The following GPC5 variants were observed in gnomAD, a reference collection of about 807,000 sequenced individuals.
GPC5 encodes the protein glypican-5.
In GPC5, 47 loss-of-function variants were observed where a neutral mutation model predicts 53.9. The observed-to-expected ratio is 0.87, with a 90% CI of 0.69 to 1.11. The LOEUF is 1.11. GPC5 is among the 50% of genes most tolerant of loss of function. The pLI is 0.00. For synonymous variants in GPC5, 286 were observed against 263.3 expected (o/e 1.09, Z -0.84); for missense variants, 748 against 713.1 (o/e 1.05, Z -0.56).
At chr13:92,440,140 G>A (rs180888671) in intron 7 of GPC5, among the ~76,000 whole-genome samples, 1 of 152,170 alleles carries the variant, frequency 6.6e-6, no homozygotes, top group East Asian at 1.9e-4. Context: ...TTCATATGCA[G>A]GTGCATTACA....
intron 7 of GPC5, among the ~76,000 whole-genome samples, chr13:92,852,545 C>T (rs925891112): frequency 1.3e-5 from 2 of 152,158 alleles, no homozygotes; most frequent in Non-Finnish European, 2.9e-5. Flanking sequence ...AGAAGTGACA[C>T]ATGTTCCTTC....
intron 5 of GPC5, among the ~76,000 whole-genome samples, chr13:91,905,367 T>C (rs951034323): frequency 6.6e-6 from 1 of 151,924 alleles, no homozygotes; most frequent in African/African-American, 2.4e-5. Context: ...GAATAATTGG[T>C]TTCCTTGTAC....
intron 7 of GPC5, among the ~76,000 whole-genome samples, chr13:92,458,752 C>A (rs538707157): frequency 6.6e-6 from 1 of 152,004 alleles, no homozygotes; most frequent in Admixed American, 6.6e-5. Flanking sequence ...AATATATGGG[C>A]TACAGATGAA....
At chr13:91,795,309 A>G (rs75607780) in intron 5 of GPC5, among the ~76,000 whole-genome samples, 5,855 of 152,292 alleles carry the variant, frequency 0.038, 143 homozygotes, top group Middle Eastern at 0.065. Flanking sequence ...TAAGCCATGC[A>G]CTTTAAAAAA....
chr13:92,758,589 A>T (rs1875013149), intron 7 of GPC5, among the ~76,000 whole-genome samples: 1 of 152,172 alleles, frequency 6.6e-6, no homozygotes, highest in Non-Finnish European at 1.5e-5. Flanking sequence ...TAGAGTGGCC[A>T]TTCTTTGGCT....
intron 4 of GPC5, among the ~76,000 whole-genome samples, chr13:91,729,624 G>A (rs2036651277): frequency 6.6e-6 from 1 of 151,982 alleles, no homozygotes. Context: ...ATAAAGATCT[G>A]GGCTATTGCT....
chr13:92,126,702 G>A (rs2041700184), intron 6 of GPC5, among the ~76,000 whole-genome samples: 2 of 151,908 alleles, frequency 1.3e-5, no homozygotes, highest in Admixed American at 1.3e-4. Context: ...GTCAATCTCT[G>A]GTCTCCATCA....
At chr13:92,474,033 G>T (rs1268508550) in intron 7 of GPC5, among the ~76,000 whole-genome samples, 2 of 152,120 alleles carry the variant, frequency 1.3e-5, no homozygotes, top group African/African-American at 4.8e-5. Flanking sequence ...CCTTGCTAAA[G>T]TCCCAAAGCT....
At chr13:92,859,423 C>T (rs1001686316) in intron 7 of GPC5, among the ~76,000 whole-genome samples, 2 of 151,860 alleles carry the variant, frequency 1.3e-5, no homozygotes, top group African/African-American at 4.8e-5. Context: ...TACCATATGT[C>T]GAGACATAGA....
At chr13:91,656,956 C>T (rs2034859759) in intron 2 of GPC5, among the ~76,000 whole-genome samples, 1 of 152,076 alleles carries the variant, frequency 6.6e-6, no homozygotes, top group Non-Finnish European at 1.5e-5. Context: ...AAAAGGAACT[C>T]AGGGTTTGTA....
intron 6 of GPC5, among the ~76,000 whole-genome samples, chr13:91,920,421 C>A (rs2039699782): frequency 1.3e-5 from 2 of 151,970 alleles, no homozygotes; most frequent in Non-Finnish European, 1.5e-5. Flanking sequence ...TTTAGGGGAT[C>A]CAAATAATAA....
chr13:91,749,744 A>G (rs2037129007), intron 4 of GPC5, among the ~76,000 whole-genome samples: 1 of 152,194 alleles, frequency 6.6e-6, no homozygotes, highest in African/African-American at 2.4e-5. Context: ...CTTTGCCTGC[A>G]TCTGTTATTT....
chr13:92,685,258 G>C (rs564601614), intron 7 of GPC5, among the ~76,000 whole-genome samples: 15 of 151,844 alleles, frequency 9.9e-5, no homozygotes, highest in Non-Finnish European at 2.2e-4. Flanking sequence ...ATGCCCAGCT[G>C]ATTTTTGTAT....
intron 7 of GPC5, among the ~76,000 whole-genome samples, chr13:92,864,007 A>G (rs1433213106): frequency 6.6e-6 from 1 of 152,196 alleles, no homozygotes; most frequent in Non-Finnish European, 1.5e-5. Flanking sequence ...TAAATCTCCA[A>G]ACTAATTTTT....
At position 92,375,703 on chromosome 13, in the gene GPC5, A is replaced by T. The variant is rs180924915; in HGVS notation, c.1561+230714A>T. ...AGGCTGTCAAAAACGGAAGGCTTGG[A>T]CTCTCAAGCACAGGCTGAAGCTGTT... On this transcript the variant is annotated intron_variant, in intron 7 of 7. Transcript: ENST00000377067. 5.3e-5 allele frequency among the ~76,000 whole-genome samples: 8 copies of T among 152,250 alleles called. No individual in the cohort carries two copies. The East Asian group carries it at 1.4e-3, about 26-fold the overall frequency.
At chr13:91,532,424 T>C (rs554134153) in intron 2 of GPC5, among the ~76,000 whole-genome samples, 59 of 152,352 alleles carry the variant, frequency 3.9e-4, no homozygotes, top group Middle Eastern at 3.4e-3. Context: ...AAAAAGTTTC[T>C]GATGATCAGA....
At chr13:92,328,559 C>A (rs1594103638) in intron 7 of GPC5, among the ~76,000 whole-genome samples, 1 of 152,062 alleles carries the variant, frequency 6.6e-6, no homozygotes, top group Non-Finnish European at 1.5e-5. Context: ...TTAAGAGAAC[C>A]AGAGTTCATT....
rs563125213 is a variant in GPC5 at position 92,332,840 on chromosome 13, A to G, written c.1561+187851A>G. On this transcript the variant is annotated intron_variant, in intron 7 of 7. Coordinates refer to ENST00000377067, the MANE Select transcript of GPC5 (RefSeq NM_004466.6). The stretch of plus-strand genomic sequence containing the variant: ...AGTAGATACTTTCTTTTCCTAGAAC[A>G]TTCATTAAATTAAAACTGCTGAGAC... 2.6e-5 allele frequency among the ~76,000 whole-genome samples: 4 copies of G among 152,312 alleles called. 1 individual carries two copies. The highest frequency in any genetic ancestry group is 9.6e-5 in the African/African-American group (4 of 41,574).
chr13:92,372,471 C>T (rs1435259585), intron 7 of GPC5, among the ~76,000 whole-genome samples: 1 of 152,102 alleles, frequency 6.6e-6, no homozygotes, highest in East Asian at 1.9e-4. Context: ...TTTATGATAT[C>T]AGTGACACTC....
Sources: gnomAD v4.1 joint callset for allele counts (sites outside exome capture counted in the v4.1 genomes callset) on GRCh38, gnomAD v4.1.1 for gene constraint, MANE v1.5 for transcripts, NCBI Gene and HGNC (gene_info 2026-07-23, HGNC 2026-07-21) for gene names.